SMTNL2: variants seen among roughly 807,000 people sequenced by gnomAD.
The protein encoded by SMTNL2 is smoothelin like 2, also known as smoothelin-like protein 2.
Under a neutral mutation model 44.1 loss-of-function variants are expected in SMTNL2, and 43 were observed. That is an observed-to-expected ratio of 0.98 (90% CI 0.76 to 1.26). The LOEUF is 1.26. Ranked by LOEUF, SMTNL2 falls within the 50% of genes most tolerant of loss-of-function variation. SMTNL2 has a pLI of 0.00. For missense variants in SMTNL2, 646 were observed against 670.2 expected, an observed-to-expected ratio of 0.96 and a Z score of 0.40; for synonymous variants, 317 against 287.6, an observed-to-expected ratio of 1.10 and a Z score of -1.03.
intron 7 of SMTNL2, among the ~76,000 whole-genome samples, chr17:4,601,131 G>A (rs1215335465): frequency 6.6e-6 from 1 of 152,188 alleles, no homozygotes; most frequent in Non-Finnish European, 1.5e-5. Flanking sequence ...GGGATTGGCC[G>A]CGCACAGTGG....
Position 4,596,938 on chromosome 17 carries a change from C to A in SMTNL2, c.1068C>A (p.Ile356=), listed in dbSNP as rs1218120552. 2.0e-6 allele frequency: 3 copies of A among 1,526,980 alleles called. No individual in the cohort carries two copies. Among genetic ancestry groups the A allele is most frequent in the Middle Eastern group, 1.9e-4 (1 of 5,136 alleles). 94.6% of individuals were successfully genotyped at this position (1,526,980 alleles called of 1,614,324 possible). A position where few individuals can be genotyped will look rare whatever the true frequency, so the allele number is the denominator to read the frequency against. ...GVASASSIKQ[I]LLEWCRSKTL... ...CCAGCGCCAGCAGCATCAAGCAGAT[C>A]CTGCTCGAGTGGTGCCGCAGCAAGA... is the stretch of plus-strand genomic sequence containing the variant. The change falls in exon 6 of 8, where the codon ATC becomes ATA. Residue 356 remains isoleucine, a synonymous_variant. Coordinates refer to ENST00000389313, the MANE Select transcript of SMTNL2 (RefSeq NM_001114974.2).
chr17:4,607,213 G>A lies in SMTNL2; in HGVS notation c.1260-148G>A. The stretch of plus-strand genomic sequence containing the variant: ...TCAGTGACTCCAAGGGTTCTGCCAG[G>A]GTTATCTGAATTCCCCGCTGGTGGG... On this transcript the variant is annotated intron_variant, in intron 7 of 7. Transcript: ENST00000389313. The surrounding 1 kb of genome is among the most constrained non-coding windows in gnomAD (Gnocchi z 4.7). 8.0e-7 allele frequency: 1 copy of A among 1,246,260 alleles called. No individual in the cohort carries two copies. The highest frequency in any genetic ancestry group is 1.1e-6 in the Non-Finnish European group (1 of 892,850). 77.2% of individuals were successfully genotyped at this position (1,246,260 alleles called of 1,614,324 possible).
upstream of SMTNL2, chr17:4,584,511 A>G: frequency 8.4e-7 from 1 of 1,193,478 alleles, no homozygotes; most frequent in Non-Finnish European, 1.0e-6. Context: ...CCTCGAGCGA[A>G]GCCAGCCACG....
At chr17:4,599,476 C>T (rs894554331) in intron 7 of SMTNL2, among the ~76,000 whole-genome samples, 2 of 152,052 alleles carry the variant, frequency 1.3e-5, no homozygotes, top group African/African-American at 2.4e-5. Flanking sequence ...CCCACCCCAG[C>T]GGCAAGGTCA....
chr17:4,584,705 G>T lies in SMTNL2; in HGVS notation c.100G>T (p.Asp34Tyr). Residue 34 changes from aspartate to tyrosine, a missense_variant, in exon 1 of 8, where the codon GAC becomes TAC. Asp to Tyr is a radical substitution (Grantham distance 160). Transcript: ENST00000389313. ...GGGTGCGGTGCGCGCGCTGCACGAG[G>T]ACATGCGGGGGCTGCAGCGCGGCGT... ...LEGAVRALHEDMRGLQRGVER... is the reference protein window; with the variant it reads ...LEGAVRALHEYMRGLQRGVER... The T allele has an allele frequency of 7.7e-7, 1 of 1,297,234 alleles. No individual in the cohort carries two copies. Among genetic ancestry groups the T allele is most frequent in the South Asian group, 2.3e-5 (1 of 44,042 alleles). 80.4% of individuals were successfully genotyped at this position (1,297,234 alleles called of 1,614,324 possible). A position where few individuals can be genotyped will look rare whatever the true frequency, so the allele number is the denominator to read the frequency against.
intron 7 of SMTNL2, among the ~76,000 whole-genome samples, chr17:4,599,814 G>C (rs1028010549): frequency 6.6e-6 from 1 of 152,242 alleles, no homozygotes; most frequent in Admixed American, 6.5e-5. Context: ...TCTATTCCCA[G>C]CTTGGTGGGG....
intron 4 of SMTNL2, 167 bp from the exon 5 acceptor site, chr17:4,594,978 G>GA: frequency 1.1e-6 from 1 of 898,714 alleles, no homozygotes; most frequent in African/African-American, 1.7e-5. Flanking sequence ...GCACAATTCA[G>GA]AAAACCTGTC....
rs1170763603 is a variant in SMTNL2 at position 4,595,005 on chromosome 17, G to A, written c.807-140G>A. 3.1e-5 allele frequency: 35 copies of A among 1,132,616 alleles called. 1 individual carries two copies. The highest frequency in any genetic ancestry group is 8.4e-5 in the South Asian group (6 of 71,048). The allele number at this position is 1,132,616 out of a possible 1,614,324, so 70.2% of individuals were successfully genotyped here. ...AAACCTGTCAAACCAGCTAGGGACC[G>A]GAGCAAGGGGGCCTCTTCTCTGAGC... On this transcript the variant is annotated intron_variant, in intron 4 of 7. Coordinates refer to ENST00000389313, the MANE Select transcript of SMTNL2 (RefSeq NM_001114974.2). This position sits in a 1 kb window ranked among gnomAD's most constrained non-coding sequence, Gnocchi z 5.1.
At chr17:4,587,307 T>C (rs1044082290) in intron 1 of SMTNL2, among the ~76,000 whole-genome samples, 2 of 152,198 alleles carry the variant, frequency 1.3e-5, no homozygotes, top group African/African-American at 4.8e-5. Context: ...CTGAGGCAGC[T>C]GCCGCTGGGC....
chr17:4,588,497 C>T (rs1283540537), intron 1 of SMTNL2, among the ~76,000 whole-genome samples: 1 of 152,168 alleles, frequency 6.6e-6, no homozygotes, highest in Non-Finnish European at 1.5e-5. Context: ...CTGCCCCGGT[C>T]CCAGCATACC....
Position 4,603,926 on chromosome 17 carries a change from C to T in SMTNL2, c.1260-3435C>T, listed in dbSNP as rs557097152. On this transcript the variant is annotated intron_variant, in intron 7 of 7. Transcript: ENST00000389313. ...GTGGCATGATCTTGGCTCACTGCAA[C>T]CTCCGCCTCCCGAGTTCAAGTGATT... is the stretch of plus-strand genomic sequence containing the variant. Among the ~76,000 whole-genome samples, 56 of 152,248 alleles carry T rather than the reference C, an allele frequency of 3.7e-4. 3 individuals are homozygous for T. The South Asian group carries it at 0.011, about 29-fold the overall frequency.
At position 4,607,726 on chromosome 17, in the gene SMTNL2, TGA is replaced by T. The variant is rs60381343; in HGVS notation, c.*252_*253del. The T allele has an allele frequency of 6.5e-4, 319 of 491,036 alleles. No individual in the cohort carries two copies. The highest frequency in any genetic ancestry group is 8.4e-4 in the East Asian group (24 of 28,664). The allele number at this position is 491,036 out of a possible 1,614,324, so 30.4% of individuals were successfully genotyped here. ...GGGCTTGGAGGAAAAGGAAAAATTA[TGA>T]GAGAGAGAGAGACATTGGTGCTAAG... On this transcript the variant is annotated 3_prime_UTR_variant, in exon 8 of 8. Coordinates refer to ENST00000389313, the MANE Select transcript of SMTNL2 (RefSeq NM_001114974.2). This position sits in a 1 kb window ranked among gnomAD's most constrained non-coding sequence, Gnocchi z 4.7.
At chr17:4,593,717 A>T in intron 3 of SMTNL2, 105 bp from the exon 4 acceptor site, 2 of 1,139,922 alleles carry the variant, frequency 1.8e-6, no homozygotes, top group Non-Finnish European at 2.6e-6. Flanking sequence ...TCATCCATGC[A>T]GCGATGCCGG....
Position 4,591,444 on chromosome 17 carries a change from G to T in SMTNL2, c.400-917G>T, listed in dbSNP as rs533670294. 1.0e-3 allele frequency among the ~76,000 whole-genome samples: 153 copies of T among 152,326 alleles called. 1 individual carries two copies. The highest frequency in any genetic ancestry group is 1.6e-3 in the Non-Finnish European group (107 of 68,030). ...TTGAGGACTTCTCCCCTGGCCACACGTGCCAGCTGTTTTTTGCTGTATAAC... is the reference window on the plus strand; with the variant it reads ...TTGAGGACTTCTCCCCTGGCCACACTTGCCAGCTGTTTTTTGCTGTATAAC... On this transcript the variant is annotated intron_variant, in intron 1 of 7. Coordinates refer to ENST00000389313, the MANE Select transcript of SMTNL2 (RefSeq NM_001114974.2).
Position 4,599,075 on chromosome 17 carries a change from C to T in SMTNL2, c.1259+1752C>T, listed in dbSNP as rs376057316. On this transcript the variant is annotated intron_variant, in intron 7 of 7. Coordinates refer to ENST00000389313, the MANE Select transcript of SMTNL2 (RefSeq NM_001114974.2). ...CTGAGATAGCTGCCCCTCTCTGGGGCAGCAACTCTCTCTCCGAGGGCAGAA... is the reference window on the plus strand; with the variant it reads ...CTGAGATAGCTGCCCCTCTCTGGGGTAGCAACTCTCTCTCCGAGGGCAGAA... Among the ~76,000 whole-genome samples, 139 of 152,324 alleles carry T rather than the reference C, an allele frequency of 9.1e-4. 2 individuals carry two copies. Among genetic ancestry groups the T allele is most frequent in the African/African-American group, 3.1e-3 (130 of 41,564 alleles).
chr17:4,606,021 C>G (rs576489827), intron 7 of SMTNL2, among the ~76,000 whole-genome samples: 1 of 152,170 alleles, frequency 6.6e-6, no homozygotes, highest in East Asian at 1.9e-4. Context: ...AGTGTACACA[C>G]GAGTCTAAAC....
chr17:4,599,385 C>T (rs1403654670), intron 7 of SMTNL2, among the ~76,000 whole-genome samples: 6 of 152,124 alleles, frequency 3.9e-5, no homozygotes, highest in African/African-American at 7.2e-5. Context: ...TGGGGCCCAG[C>T]TGCCGAAGCC....
intron 1 of SMTNL2, among the ~76,000 whole-genome samples, chr17:4,588,478 C>T (rs1272541505): frequency 3.3e-5 from 5 of 152,180 alleles, no homozygotes; most frequent in Non-Finnish European, 5.9e-5. Flanking sequence ...CAGGGCTCTC[C>T]AGCGATTTCT....
chr17:4,588,591 G>A (rs868232495), intron 1 of SMTNL2, among the ~76,000 whole-genome samples: 3 of 152,224 alleles, frequency 2.0e-5, no homozygotes, highest in Non-Finnish European at 2.9e-5. Context: ...GGGACTCTGC[G>A]GGGACAGCTC....
Sources: allele counts gnomAD v4.1 joint callset (sites outside exome capture counted in the v4.1 genomes callset), GRCh38; gene constraint gnomAD v4.1.1; non-coding constraint Gnocchi (gnomAD v3.1); transcripts MANE v1.5; gene names NCBI Gene and HGNC (gene_info 2026-07-23, HGNC 2026-07-21).